The following AGO2 variants were observed in gnomAD, a reference collection of about 807,000 sequenced individuals.
AGO2 encodes the protein protein argonaute-2.
A neutral mutation model predicts 102.3 loss-of-function variants in AGO2; 5 were observed. That is an observed-to-expected ratio of 0.05 (90% CI 0.03 to 0.10). AGO2 has a LOEUF of 0.10. Among genes scored for constraint, AGO2 ranks in the 10% least tolerant of loss-of-function variants. The pLI, the probability that AGO2 is intolerant of heterozygous loss-of-function variation, is 1.00. For missense variants in AGO2, 541 were observed against 1,183.7 expected (o/e 0.46, Z 7.97); for synonymous variants, 449 against 473.1 (o/e 0.95, Z 0.66).
At chr8:140,588,434 G>A (rs775692686) in intron 1 of AGO2, among the ~76,000 whole-genome samples, 1 of 151,964 alleles carries the variant, frequency 6.6e-6, no homozygotes, top group Non-Finnish European at 1.5e-5. Flanking sequence ...TGTAAATAAT[G>A]TACATATCTT....
intron 10 of AGO2, among the ~76,000 whole-genome samples, chr8:140,552,385 G>A (rs977026647): frequency 1.3e-5 from 2 of 152,258 alleles, no homozygotes; most frequent in African/African-American, 2.4e-5. Flanking sequence ...GATTCTCAAG[G>A]GAAGGGTGGG....
At chr8:140,595,887 A>T (rs1488230528) in intron 1 of AGO2, among the ~76,000 whole-genome samples, 1 of 119,784 alleles carries the variant, frequency 8.3e-6, no homozygotes, top group Non-Finnish European at 1.6e-5. Flanking sequence ...TATAATATAT[A>T]ATTATATATA....
intron 1 of AGO2, among the ~76,000 whole-genome samples, chr8:140,602,529 C>T (rs914931603): frequency 2.6e-5 from 4 of 152,158 alleles, no homozygotes; most frequent in African/African-American, 4.8e-5. Flanking sequence ...GAACAGACTC[C>T]GTGAAATAAG....
At chr8:140,607,237 G>A (rs1025282959) in intron 1 of AGO2, among the ~76,000 whole-genome samples, 3 of 151,084 alleles carry the variant, frequency 2.0e-5, no homozygotes, top group Admixed American at 2.0e-4. Context: ...CAACAAGAGT[G>A]AAACTCCATT....
intron 3 of AGO2, among the ~76,000 whole-genome samples, chr8:140,569,977 C>T (rs979494526): frequency 2.6e-5 from 4 of 152,076 alleles, no homozygotes; most frequent in South Asian, 2.1e-4. Context: ...AAGTGAGGCA[C>T]GAAAAAGTAC....
At chr8:140,551,634 A>AGATGGGTGGGTGGAGGGTT (rs2072997134) in intron 10 of AGO2, among the ~76,000 whole-genome samples, 198 bp from the exon 11 acceptor site, 1 of 66,912 alleles carries the variant, frequency 1.5e-5, no homozygotes. Flanking sequence ...GGCTGGTGGA[A>AGATGGGTGGGTGGAGGGTT]GATGGGTGGG....
chr8:140,607,110 G>A (rs1049736418), intron 1 of AGO2, among the ~76,000 whole-genome samples: 4 of 152,158 alleles, frequency 2.6e-5, no homozygotes, highest in Admixed American at 6.5e-5. Flanking sequence ...TTAGCTGGGC[G>A]TGGTGGTGCA....
chr8:140,562,461 T>C lies in AGO2; in HGVS notation c.510A>G (p.Pro170=), dbSNP rs372347738. ...QALDVVMRHL[P]SMRYTPVGRS... ...CCGTGTGGCGCCCTCACCTCATGGA[T>C]GGCAAGTGCCTCATGACCACGTCCA... The change falls in exon 4 of 19, where the codon CCA becomes CCG. Residue 170 remains proline (P), a synonymous_variant. Transcript: ENST00000220592. 1.2e-6 allele frequency: 2 copies of C among 1,611,360 alleles called. No individual in the cohort carries two copies. Among genetic ancestry groups the C allele is most frequent in the African/African-American group, 2.7e-5 (2 of 74,872 alleles).
In AGO2 at chr8:140,569,781, G is replaced by A. The variant is rs935802702; in HGVS notation, c.336+3031C>T. On this transcript the variant is annotated intron_variant, in intron 3 of 18. Transcript: ENST00000220592. The stretch of plus-strand genomic sequence containing the variant: ...GCGTCTCCCGGGCCTGGGAGAACTC[G>A]TCTCTCTTTCCACACAGGGGCTGGG... Among the ~76,000 whole-genome samples, 49 of 152,180 alleles carry A rather than the reference G, an allele frequency of 3.2e-4. 1 individual carries two copies. The highest frequency in any genetic ancestry group is 5.9e-5 in the Non-Finnish European group (4 of 68,028).
At chr8:140,620,500 A>G (rs1215411922) in intron 1 of AGO2, among the ~76,000 whole-genome samples, 1 of 152,354 alleles carries the variant, frequency 6.6e-6, no homozygotes, top group East Asian at 1.9e-4. Flanking sequence ...TGATGGCCAC[A>G]TGAGTGTTCC....
chr8:140,561,110 G>A (rs576286709), intron 4 of AGO2, among the ~76,000 whole-genome samples: 9 of 152,368 alleles, frequency 5.9e-5, no homozygotes, highest in East Asian at 1.9e-4. Context: ...AACCTCTTCC[G>A]GGCCTGCTAG....
At chr8:140,608,122 G>T (rs1455268785) in intron 1 of AGO2, among the ~76,000 whole-genome samples, 1 of 152,226 alleles carries the variant, frequency 6.6e-6, no homozygotes, top group African/African-American at 2.4e-5. Context: ...ACACAGAGTG[G>T]TGATATGGGC....
chr8:140,624,817 T>C (rs749782326), intron 1 of AGO2, among the ~76,000 whole-genome samples: 3 of 150,102 alleles, frequency 2.0e-5, no homozygotes, highest in Non-Finnish European at 3.0e-5. Flanking sequence ...AACAAGACGA[T>C]GCCACTGGGA....
At chr8:140,566,652 GA>G (rs1410668900) in intron 3 of AGO2, among the ~76,000 whole-genome samples, 1 of 143,016 alleles carries the variant, frequency 7.0e-6, no homozygotes, top group African/African-American at 2.6e-5. Flanking sequence ...CTCAGTTAAA[GA>G]AACAGATCTG....
chr8:140,598,227 T>C (rs2073878069), intron 1 of AGO2, among the ~76,000 whole-genome samples: 1 of 152,214 alleles, frequency 6.6e-6, no homozygotes, highest in East Asian at 1.9e-4. Context: ...CGAGACGGCG[T>C]GTTCTGTGCT....
chr8:140,560,825 T>C (rs1009285938), intron 4 of AGO2, among the ~76,000 whole-genome samples: 1 of 152,214 alleles, frequency 6.6e-6, no homozygotes, highest in Non-Finnish European at 1.5e-5. Context: ...GTCCTGGCTT[T>C]GCCTCGCCTT....
At chr8:140,578,607 C>T (rs975040826) in intron 2 of AGO2, among the ~76,000 whole-genome samples, 1 of 152,230 alleles carries the variant, frequency 6.6e-6, no homozygotes, top group Non-Finnish European at 1.5e-5. Flanking sequence ...TGCCCTTGAC[C>T]TCCCAAAAAA....
rs567328213 is a variant in AGO2, at chr8:140,590,364, C to T, written c.23-5053G>A. ...AAAGGAACCCTCGCACTTTGGGGGT[C>T]CCAGGTCCCTGGCCACAGAAGCTGC... On this transcript the variant is annotated intron_variant, in intron 1 of 18. Transcript: ENST00000220592. Among the ~76,000 whole-genome samples the T allele has an allele frequency of 3.9e-5, 6 of 152,336 alleles. No individual in the cohort carries two copies. The South Asian group carries it at 1.2e-3, about 32-fold the overall frequency.
intron 10 of AGO2, chr8:140,555,379 C>T (rs1360266294): frequency 6.5e-6 from 1 of 153,996 alleles, no homozygotes; most frequent in African/African-American, 2.4e-5. Flanking sequence ...TTCCCAGCTA[C>T]TTGGGAGGCT....
Sources: allele counts gnomAD v4.1 joint callset (sites outside exome capture counted in the v4.1 genomes callset), GRCh38; gene constraint gnomAD v4.1.1; transcripts MANE v1.5; gene names NCBI Gene and HGNC (gene_info 2026-07-23, HGNC 2026-07-21).